The following OR51B5 variants were observed in gnomAD, a reference collection of about 807,000 sequenced individuals.
The protein encoded by OR51B5 is olfactory receptor 51B5.
For missense variants in OR51B5, 456 were observed against 374.6 expected, an observed-to-expected ratio of 1.22 and a Z score of -1.79; for synonymous variants, 186 against 144.8, an observed-to-expected ratio of 1.28 and a Z score of -2.04.
At chr11:5,494,518 G>A (rs1024834063) in intron 1 of OR51B5, among the ~76,000 whole-genome samples, 6 of 152,068 alleles carry the variant, frequency 3.9e-5, no homozygotes, top group African/African-American at 9.7e-5. Context: ...AATATTTTAC[G>A]TCGTGTATAT....
At position 5,352,232 on chromosome 11, in the gene OR51B5, A is replaced by C. The variant is rs368360716; in HGVS notation, n.85-5322T>G. 70 of 1,614,030 alleles carry C rather than the reference A, an allele frequency of 4.3e-5. No individual in the cohort carries two copies. The highest frequency in any genetic ancestry group is 6.7e-5 in the Admixed American group (4 of 60,012). ...AAGGCCCTCAACACATGTGTCTCTC[A>C]TATCTGCTGCATCCTGGTCTTCTAT... On this transcript the variant is annotated intron_variant and non_coding_transcript_variant, in intron 1 of 4. Transcript: ENST00000415970.
chr11:5,473,144 T>C (rs1194937372), intron 1 of OR51B5, among the ~76,000 whole-genome samples: 5 of 152,220 alleles, frequency 3.3e-5, no homozygotes, highest in Admixed American at 2.6e-4. Flanking sequence ...CTTGGCATAT[T>C]TGAAACAGTA....
chr11:5,503,457 C>T (rs1185336423), intron 1 of OR51B5, among the ~76,000 whole-genome samples: 1 of 152,118 alleles, frequency 6.6e-6, no homozygotes, highest in Non-Finnish European at 1.5e-5. Context: ...GAAATATTCC[C>T]TATTTTAAAA....
intron 1 of OR51B5, among the ~76,000 whole-genome samples, chr11:5,424,782 C>G (rs1296189937): frequency 5.1e-5 from 7 of 136,452 alleles, no homozygotes; most frequent in Admixed American, 2.2e-4. Context: ...CAGATGGAGA[C>G]CATCCTGGCT....
chr11:5,395,354 G>T (rs1229322848), intron 1 of OR51B5, among the ~76,000 whole-genome samples: 1 of 152,180 alleles, frequency 6.6e-6, no homozygotes, highest in African/African-American at 2.4e-5. Flanking sequence ...GTTGCTGAAG[G>T]TCCTTTGTTT....
chr11:5,386,152 CA>C (rs1415796766), intron 1 of OR51B5, among the ~76,000 whole-genome samples: 6 of 152,080 alleles, frequency 3.9e-5, no homozygotes, highest in African/African-American at 1.2e-4. Context: ...GTTGGAAAAA[CA>C]GGGGTGGTTT....
At chr11:5,422,707 T>C (rs1850367081) in intron 1 of OR51B5, 4 of 1,613,938 alleles carry the variant, frequency 2.5e-6, no homozygotes, top group Non-Finnish European at 2.5e-6. Context: ...AGCGACTGCC[T>C]TTCTGCCACT....
intron 1 of OR51B5, among the ~76,000 whole-genome samples, chr11:5,485,085 A>G: frequency 6.6e-6 from 1 of 152,162 alleles, no homozygotes; most frequent in East Asian, 1.9e-4. Flanking sequence ...ATTTCAAAAG[A>G]ATAAGTCAGA....
At chr11:5,416,650 C>A (rs1302122950) in intron 1 of OR51B5, among the ~76,000 whole-genome samples, 1 of 145,716 alleles carries the variant, frequency 6.9e-6, no homozygotes, top group African/African-American at 2.5e-5. Context: ...AACAGAGAGC[C>A]AAATCATGAG....
At chr11:5,457,114 T>C (rs1410170565) in intron 1 of OR51B5, among the ~76,000 whole-genome samples, 3 of 152,230 alleles carry the variant, frequency 2.0e-5, no homozygotes, top group African/African-American at 7.2e-5. Context: ...AGGTAGTTTT[T>C]TGAACCCCAT....
intron 1 of OR51B5, among the ~76,000 whole-genome samples, chr11:5,417,591 A>C (rs543011677): frequency 1.3e-5 from 2 of 150,504 alleles, no homozygotes; most frequent in East Asian, 3.9e-4. Flanking sequence ...GAAAAAAAAA[A>C]CCCCATCCAA....
intron 1 of OR51B5, among the ~76,000 whole-genome samples, chr11:5,500,402 T>TGTGTGATGTTCCCCGCCCTGTGTCC (rs1554898595): frequency 1.3e-5 from 2 of 149,850 alleles, no homozygotes; most frequent in Non-Finnish European, 3.0e-5. Flanking sequence ...CAGACAACTG[T>TGTGTGATGTTCCCCGCCCTGTGTCC]AAAATACCAA....
intron 1 of OR51B5, among the ~76,000 whole-genome samples, chr11:5,368,116 C>A (rs578234827): frequency 1.3e-5 from 2 of 152,282 alleles, no homozygotes; most frequent in South Asian, 4.1e-4. Context: ...TTTCCTCTGC[C>A]ATTCAGATTT....
intron 1 of OR51B5, among the ~76,000 whole-genome samples, chr11:5,382,359 C>A (rs916888935): frequency 6.6e-6 from 1 of 152,158 alleles, no homozygotes; most frequent in African/African-American, 2.4e-5. Context: ...CAGGTTGGGG[C>A]CTTCCCTGGC....
chr11:5,427,409 A>C (rs1291330524), intron 1 of OR51B5, among the ~76,000 whole-genome samples: 2 of 152,266 alleles, frequency 1.3e-5, no homozygotes, highest in East Asian at 3.8e-4. Flanking sequence ...TCAGAGTTAG[A>C]GTAGAAGGTT....
chr11:5,471,203 T>C (rs1402197036), intron 1 of OR51B5, among the ~76,000 whole-genome samples: 2 of 152,240 alleles, frequency 1.3e-5, no homozygotes, highest in Non-Finnish European at 2.9e-5. Flanking sequence ...TTAGTATCTT[T>C]GTTTCCCCAA....
At chr11:5,380,760 G>C (rs979635567) in intron 1 of OR51B5, among the ~76,000 whole-genome samples, 1 of 152,204 alleles carries the variant, frequency 6.6e-6, no homozygotes, top group Non-Finnish European at 1.5e-5. Context: ...GCATGAGAGA[G>C]AGGAAGATCA....
intron 1 of OR51B5, chr11:5,440,508 C>G (rs762943996): frequency 3.2e-5 from 38 of 1,185,000 alleles, no homozygotes; most frequent in Non-Finnish European, 4.6e-5. Flanking sequence ...TTTAGCATTC[C>G]TTAAGTTGTT....
chr11:5,379,075 A>G (rs1205893033), intron 1 of OR51B5, among the ~76,000 whole-genome samples: 1 of 151,422 alleles, frequency 6.6e-6, no homozygotes, highest in African/African-American at 2.4e-5. Context: ...ATGTCCAACA[A>G]TGATAGACTG....
Sources: allele counts gnomAD v4.1 joint callset (sites outside exome capture counted in the v4.1 genomes callset), GRCh38; gene constraint gnomAD v4.1.1; transcripts MANE v1.5; gene names NCBI Gene and HGNC (gene_info 2026-07-23, HGNC 2026-07-21).